The following ZFHX3 variants were observed in gnomAD, a reference collection of about 807,000 sequenced individuals.
ZFHX3 encodes the protein zinc finger homeobox 3, also known as zinc finger homeobox protein 3.
A neutral mutation model predicts 279.1 loss-of-function variants in ZFHX3; 42 were observed. The observed-to-expected ratio is 0.15, with a 90% CI of 0.12 to 0.19. The LOEUF is 0.19. Among genes scored for constraint, ZFHX3 ranks in the 10% least tolerant of loss-of-function variants. The pLI is 1.00. For synonymous variants in ZFHX3, 2,293 were observed against 1,957.8 expected, an observed-to-expected ratio of 1.17 and a Z score of -4.52; for missense variants, 4,981 against 4,754.0, an observed-to-expected ratio of 1.05 and a Z score of -1.40.
At chr16:73,248,026 TGTGTGTATATGTA>T (rs1597241799) in intron 5 of ZFHX3, among the ~76,000 whole-genome samples, 3 of 151,676 alleles carry the variant, frequency 2.0e-5, no homozygotes, top group Non-Finnish European at 4.4e-5. Flanking sequence ...ATATAATGTG[TGTGTGTATATGTA>T]CCTGTATGTG....
At chr16:73,191,089 T>C (rs1477051606) in intron 5 of ZFHX3, among the ~76,000 whole-genome samples, 1 of 152,082 alleles carries the variant, frequency 6.6e-6, no homozygotes, top group Non-Finnish European at 1.5e-5. Flanking sequence ...CCTGATGTCA[T>C]ATTCAGAGGC....
At chr16:73,191,597 G>A (rs1204303267) in intron 5 of ZFHX3, among the ~76,000 whole-genome samples, 1 of 152,120 alleles carries the variant, frequency 6.6e-6, no homozygotes, top group African/African-American at 2.4e-5. Context: ...CTCCCGTTTG[G>A]TCACCTCCAT....
intron 3 of ZFHX3, among the ~76,000 whole-genome samples, chr16:72,950,065 C>T (rs1256376200): frequency 7.5e-6 from 1 of 134,206 alleles, no homozygotes; most frequent in African/African-American, 2.8e-5. Flanking sequence ...CCAGGAGCAT[C>T]CGGGAAAGGA....
chr16:73,406,837 T>G (rs1178417723), intron 3 of ZFHX3, among the ~76,000 whole-genome samples: 1 of 152,174 alleles, frequency 6.6e-6, no homozygotes, highest in African/African-American at 2.4e-5. Context: ...GGGAATGTAT[T>G]TTCTTTTTGC....
intron 1 of ZFHX3, among the ~76,000 whole-genome samples, chr16:73,890,254 A>AC (rs2030488516): frequency 6.9e-6 from 1 of 145,452 alleles, no homozygotes; most frequent in African/African-American, 2.5e-5. Flanking sequence ...AAAAAAAAAA[A>AC]CAACAAAAAA....
At chr16:72,954,701 G>A (rs1466603100) in intron 2 of ZFHX3, among the ~76,000 whole-genome samples, 1 of 152,182 alleles carries the variant, frequency 6.6e-6, no homozygotes, top group African/African-American at 2.4e-5. Context: ...AGGAAGGTTT[G>A]GGAGGATGTT....
intron 1 of ZFHX3, among the ~76,000 whole-genome samples, chr16:73,682,050 T>C (rs1367108059): frequency 6.6e-6 from 1 of 152,110 alleles, no homozygotes; most frequent in Non-Finnish European, 1.5e-5. Context: ...GCTTAACAAA[T>C]AAAGGCTGAT....
chr16:73,242,055 A>G (rs544361442), intron 5 of ZFHX3, among the ~76,000 whole-genome samples: 47 of 152,310 alleles, frequency 3.1e-4, no homozygotes, highest in Admixed American at 9.2e-4. Context: ...AAAGTTGGTA[A>G]TCATTGCTTT....
intron 3 of ZFHX3, among the ~76,000 whole-genome samples, chr16:72,901,913 C>A (rs2039046723): frequency 6.6e-6 from 1 of 152,178 alleles, no homozygotes; most frequent in Admixed American, 6.5e-5. Flanking sequence ...CCCTCCTTCC[C>A]CCACCCCCTT....
intron 3 of ZFHX3, chr16:73,402,429 C>T (rs1052895896): frequency 1.3e-5 from 2 of 152,220 alleles, no homozygotes; most frequent in African/African-American, 4.8e-5. Flanking sequence ...AAATACATAA[C>T]AGTTGAATTA....
chr16:73,330,213 G>C (rs1443369917), intron 3 of ZFHX3, among the ~76,000 whole-genome samples: 1 of 152,150 alleles, frequency 6.6e-6, no homozygotes. Flanking sequence ...AAGGGAAATA[G>C]CCCAGGTGGC....
intron 5 of ZFHX3, among the ~76,000 whole-genome samples, chr16:73,201,715 T>C (rs1805300182): frequency 6.6e-6 from 1 of 152,208 alleles, no homozygotes; most frequent in African/African-American, 2.4e-5. Flanking sequence ...TTAAAAATAA[T>C]AATGAAGATG....
Position 73,858,501 on chromosome 16 carries a change from G to C in ZFHX3, c.-1608+33150C>G, listed in dbSNP as rs112496943. On this transcript the variant is annotated intron_variant, in intron 1 of 17. Coordinates refer to the ZFHX3 transcript ENST00000641206. ...TGATTATGTTTCCATGAATTGCACT[G>C]TGTCACACTATATTTTAGGGCCTTG... 6.6e-3 allele frequency among the ~76,000 whole-genome samples: 1,005 copies of C among 152,306 alleles called. 9 individuals carry two copies. The highest frequency in any genetic ancestry group is 0.023 in the African/African-American group (939 of 41,580).
intron 1 of ZFHX3, among the ~76,000 whole-genome samples, chr16:73,021,227 G>A (rs1289136668): frequency 1.3e-5 from 2 of 152,288 alleles, no homozygotes; most frequent in African/African-American, 4.8e-5. Flanking sequence ...AAAGACAATC[G>A]AGGAAACGGG....
chr16:72,901,559 G>A (rs139207812), intron 3 of ZFHX3, among the ~76,000 whole-genome samples: 4 of 152,224 alleles, frequency 2.6e-5, no homozygotes, highest in Non-Finnish European at 2.9e-5. Context: ...GTGACGGGGC[G>A]AGGCAGAAAA....
At chr16:73,716,434 G>A (rs927866367) in intron 1 of ZFHX3, among the ~76,000 whole-genome samples, 26 of 152,064 alleles carry the variant, frequency 1.7e-4, no homozygotes, top group African/African-American at 3.4e-4. Flanking sequence ...CCAGGAAATC[G>A]CAATTAAAAA....
At chr16:73,591,420 G>A (rs1321337353) in intron 2 of ZFHX3, among the ~76,000 whole-genome samples, 1 of 147,458 alleles carries the variant, frequency 6.8e-6, no homozygotes, top group Non-Finnish European at 1.5e-5. Flanking sequence ...GGGGCCGGGT[G>A]CGGTGGCTCA....
At chr16:73,430,180 C>A (rs762150697) in intron 3 of ZFHX3, among the ~76,000 whole-genome samples, 2 of 152,122 alleles carry the variant, frequency 1.3e-5, no homozygotes, top group Non-Finnish European at 2.9e-5. Context: ...ACGGGTCACC[C>A]TGCTGGCTCT....
At chr16:72,855,622 T>C (rs781550744) in intron 4 of ZFHX3, among the ~76,000 whole-genome samples, 5 of 152,232 alleles carry the variant, frequency 3.3e-5, no homozygotes, top group Non-Finnish European at 7.3e-5. Context: ...AAGATTCATC[T>C]GGAAATCGAG....
Sources: gnomAD v4.1 joint callset for allele counts (sites outside exome capture counted in the v4.1 genomes callset) on GRCh38, gnomAD v4.1.1 for gene constraint, MANE v1.5 for transcripts, NCBI Gene and HGNC (gene_info 2026-07-23, HGNC 2026-07-21) for gene names.